Variants in TMEM108 observed in about 807,000 individuals in gnomAD.
The protein encoded by TMEM108 is cancer/testis antigen 124.
A neutral mutation model predicts 35.1 loss-of-function variants in TMEM108; 12 were observed. The ratio of observed to expected loss-of-function variants is 0.34; its 90% CI spans 0.22 to 0.55. The LOEUF (loss-of-function observed/expected upper bound fraction) is 0.55, where lower values mean the gene tolerates loss of function less well. TMEM108 is among the 20% of genes least tolerant of loss of function. TMEM108 has a pLI of 0.89. For missense variants in TMEM108, 680 were observed against 753.3 expected (o/e 0.90, Z 1.14); for synonymous variants, 287 against 308.6 (o/e 0.93, Z 0.73).
At chr3:133,105,052 A>T (rs940724744) in intron 2 of TMEM108, among the ~76,000 whole-genome samples, 14 of 152,290 alleles carry the variant, frequency 9.2e-5, no homozygotes, top group Non-Finnish European at 1.9e-4. Flanking sequence ...TTAGTTTTCT[A>T]TTGCTTCCAT....
intron 3 of TMEM108, among the ~76,000 whole-genome samples, chr3:133,238,343 A>G (rs1228028202): frequency 6.6e-6 from 1 of 152,172 alleles, no homozygotes; most frequent in Non-Finnish European, 1.5e-5. Flanking sequence ...TACATGTTTG[A>G]TTTAATTAAC....
At position 133,183,935 on chromosome 3, in the gene TMEM108, A is replaced by G. The variant is rs115546999; in HGVS notation, c.-46-45331A>G. ...ACTTGGGGGCATTGCAGGAAGGGAA[A>G]GACAGGGCCAGCCTGGTATTTTACC... On this transcript the variant is annotated intron_variant, in intron 2 of 5. Transcript: ENST00000321871. Among the ~76,000 whole-genome samples, 627 of 152,298 alleles carry G rather than the reference A, an allele frequency of 4.1e-3. 3 individuals carry two copies. The highest frequency in any genetic ancestry group is 6.7e-3 in the Non-Finnish European group (454 of 68,024).
At chr3:133,088,357 C>A (rs762628343) in intron 2 of TMEM108, among the ~76,000 whole-genome samples, 14 of 152,008 alleles carry the variant, frequency 9.2e-5, no homozygotes, top group Non-Finnish European at 1.5e-4. Context: ...TTGGAGGAGA[C>A]CATGGCCTGA....
At chr3:133,199,520 C>T (rs1394949720) in intron 2 of TMEM108, among the ~76,000 whole-genome samples, 7 of 152,204 alleles carry the variant, frequency 4.6e-5, no homozygotes, top group Non-Finnish European at 7.3e-5. Flanking sequence ...GGACCCTCAG[C>T]TGCAGGTCTG....
chr3:133,390,899 A>G (rs2107860727), intron 5 of TMEM108, among the ~76,000 whole-genome samples: 1 of 152,306 alleles, frequency 6.6e-6, no homozygotes, highest in Admixed American at 6.5e-5. Context: ...ATCTGAAGGG[A>G]AAGAAGAATA....
intron 2 of TMEM108, among the ~76,000 whole-genome samples, chr3:133,162,329 C>G (rs1050950507): frequency 2.6e-5 from 4 of 152,052 alleles, no homozygotes; most frequent in Admixed American, 6.6e-5. Flanking sequence ...ATTTTGTTTG[C>G]AACTACTTTA....
intron 2 of TMEM108, among the ~76,000 whole-genome samples, chr3:133,169,064 A>G (rs974004621): frequency 3.9e-5 from 6 of 152,238 alleles, no homozygotes; most frequent in Non-Finnish European, 8.8e-5. Context: ...ACTCACCGTG[A>G]GGGTCTGTGG....
intron 2 of TMEM108, among the ~76,000 whole-genome samples, chr3:133,159,871 G>A (rs1464277926): frequency 6.6e-6 from 1 of 152,072 alleles, no homozygotes; most frequent in Non-Finnish European, 1.5e-5. Context: ...CTTCATAAAC[G>A]ATGTGAAATC....
intron 2 of TMEM108, among the ~76,000 whole-genome samples, chr3:133,140,924 T>A (rs1317674238): frequency 6.6e-6 from 1 of 152,170 alleles, no homozygotes; most frequent in Non-Finnish European, 1.5e-5. Flanking sequence ...CTTCAAATTT[T>A]ATGTGTGCCA....
At chr3:133,338,094 A>G (rs765255864) in intron 3 of TMEM108, among the ~76,000 whole-genome samples, 4 of 152,174 alleles carry the variant, frequency 2.6e-5, no homozygotes, top group Non-Finnish European at 5.9e-5. Context: ...TCTAAGAGTT[A>G]TTGGCCTTAA....
At chr3:133,147,608 T>G (rs1559847603) in intron 2 of TMEM108, among the ~76,000 whole-genome samples, 1 of 152,154 alleles carries the variant, frequency 6.6e-6, no homozygotes, top group Non-Finnish European at 1.5e-5. Context: ...GTAGTAAAAA[T>G]ATTGGCAACT....
intron 2 of TMEM108, among the ~76,000 whole-genome samples, chr3:133,199,613 AC>A (rs1175299017): frequency 2.0e-5 from 3 of 152,152 alleles, no homozygotes; most frequent in African/African-American, 7.2e-5. Context: ...ATATTGCAGA[AC>A]AGCAAATGTT....
intron 2 of TMEM108, among the ~76,000 whole-genome samples, chr3:133,224,522 T>C (rs1049334370): frequency 2.0e-5 from 3 of 152,146 alleles, no homozygotes; most frequent in Admixed American, 6.5e-5. Context: ...CAGTGGAAGA[T>C]AATTGAATCA....
At chr3:133,213,393 T>A (rs955964776) in intron 2 of TMEM108, among the ~76,000 whole-genome samples, 1 of 152,250 alleles carries the variant, frequency 6.6e-6, no homozygotes, top group Non-Finnish European at 1.5e-5. Context: ...AGCTACTAAG[T>A]GGCAGGCCTG....
At chr3:133,049,174 A>G (rs1452164602) in intron 2 of TMEM108, among the ~76,000 whole-genome samples, 3 of 152,240 alleles carry the variant, frequency 2.0e-5, no homozygotes, top group Non-Finnish European at 4.4e-5. Context: ...CAGAACATAT[A>G]TAAGCTTTTC....
chr3:133,198,964 A>G (rs1440399459), intron 2 of TMEM108, among the ~76,000 whole-genome samples: 6 of 151,984 alleles, frequency 3.9e-5, no homozygotes, highest in Non-Finnish European at 8.8e-5. Flanking sequence ...ACATACTCCC[A>G]TATTTCTTGG....
intron 2 of TMEM108, among the ~76,000 whole-genome samples, chr3:133,134,007 C>T (rs1251941497): frequency 6.6e-6 from 1 of 151,918 alleles, no homozygotes; most frequent in Non-Finnish European, 1.5e-5. Context: ...CGTGATCCAC[C>T]CACCTCAGCC....
At chr3:133,182,286 A>C (rs144514925) in intron 2 of TMEM108, among the ~76,000 whole-genome samples, 1 of 152,216 alleles carries the variant, frequency 6.6e-6, no homozygotes, top group Non-Finnish European at 1.5e-5. Context: ...AATATAAAAG[A>C]TGAAATTTTG....
intron 2 of TMEM108, among the ~76,000 whole-genome samples, chr3:133,136,604 G>C (rs960435570): frequency 2.0e-5 from 3 of 152,202 alleles, no homozygotes; most frequent in African/African-American, 7.2e-5. Flanking sequence ...AGGGTGTGAA[G>C]TAGTTTTGAC....
Sources: gnomAD v4.1 joint callset for allele counts (sites outside exome capture counted in the v4.1 genomes callset) on GRCh38, gnomAD v4.1.1 for gene constraint, MANE v1.5 for transcripts, NCBI Gene and HGNC (gene_info 2026-07-23, HGNC 2026-07-21) for gene names.